The following DPP6 variants were observed in gnomAD, a reference collection of about 807,000 sequenced individuals.
The protein encoded by DPP6 is A-type potassium channel modulatory protein DPP6.
DPP6 carries 69 observed loss-of-function variants against 122.6 expected under a neutral mutation model. The observed-to-expected ratio is 0.56, with a 90% CI of 0.46 to 0.69. The LOEUF is 0.69. DPP6 is among the 30% of genes least tolerant of loss of function. DPP6 has a pLI of 0.00. For missense variants in DPP6, 928 were observed against 1,116.9 expected, an observed-to-expected ratio of 0.83 and a Z score of 2.41; for synonymous variants, 418 against 433.1, an observed-to-expected ratio of 0.97 and a Z score of 0.43.
chr7:153,846,205 G>A, the DPP6 span, among the ~76,000 whole-genome samples: 1 of 152,108 alleles, frequency 6.6e-6, no homozygotes, highest in African/African-American at 2.4e-5. Flanking sequence ...TATTTTCTCT[G>A]ATAACTTATA....
chr7:154,104,446 A>T (rs576325059), intron 1 of DPP6, among the ~76,000 whole-genome samples: 7 of 152,372 alleles, frequency 4.6e-5, no homozygotes, highest in African/African-American at 1.7e-4. Flanking sequence ...GCCAGTGCCC[A>T]TGGTGGAACG....
intron 1 of DPP6, among the ~76,000 whole-genome samples, chr7:154,123,591 C>T (rs1055046712): frequency 6.6e-6 from 1 of 152,152 alleles, no homozygotes; most frequent in Admixed American, 6.5e-5. Flanking sequence ...GAGAGTGACC[C>T]GTGTGCTCCT....
intron 1 of DPP6, among the ~76,000 whole-genome samples, chr7:154,388,605 G>A (rs74615285): frequency 6.6e-6 from 1 of 152,218 alleles, no homozygotes; most frequent in East Asian, 1.9e-4. Context: ...GCCAGGGTCT[G>A]CTGGGGAGAA....
intron 10 of DPP6, among the ~76,000 whole-genome samples, chr7:154,779,157 T>C (rs977609536): frequency 0.019 from 25 of 1,336 alleles, no homozygotes; most frequent in African/African-American, 0.032. Flanking sequence ...CCCACCATCA[T>C]CTCCACTACC....
chr7:154,238,566 G>A (rs1447262417), intron 1 of DPP6, among the ~76,000 whole-genome samples: 1 of 152,138 alleles, frequency 6.6e-6, no homozygotes, highest in Admixed American at 6.6e-5. Flanking sequence ...ATTCAGACCA[G>A]CAAACCAAGA....
At chr7:154,212,331 C>T (rs1463590784) in intron 1 of DPP6, among the ~76,000 whole-genome samples, 4 of 152,128 alleles carry the variant, frequency 2.6e-5, no homozygotes, top group African/African-American at 7.2e-5. Context: ...GCAGTATTCC[C>T]TAAGAAAATA....
chr7:154,830,473 C>T (rs1800546646), intron 16 of DPP6, among the ~76,000 whole-genome samples: 4 of 152,222 alleles, frequency 2.6e-5, no homozygotes, highest in South Asian at 2.1e-4. Flanking sequence ...GCTGTATAAA[C>T]GTTGTGACAT....
chr7:154,399,786 T>G (rs1815411187), intron 1 of DPP6, among the ~76,000 whole-genome samples: 1 of 152,164 alleles, frequency 6.6e-6, no homozygotes, highest in African/African-American at 2.4e-5. Context: ...CTGCCCCATT[T>G]GGGGTGTGCA....
chr7:154,581,366 C>T (rs1832056801), intron 5 of DPP6, among the ~76,000 whole-genome samples: 1 of 152,074 alleles, frequency 6.6e-6, no homozygotes, highest in Non-Finnish European at 1.5e-5. Context: ...AAGAAGGGGA[C>T]AGAAGAGTAA....
rs77699124 is a variant in DPP6, at chr7:154,772,622, C to T, written c.1039-223C>T. Reference sequence around the variant, plus strand: ...CCGGGGAGTTGGGTGGAATGGGAAGCGGATGGGATTCTAGAAAAGCAAGAA... The same window carrying T: ...CCGGGGAGTTGGGTGGAATGGGAAGTGGATGGGATTCTAGAAAAGCAAGAA... On this transcript the variant is annotated intron_variant, in intron 9 of 25. Coordinates refer to ENST00000377770, the MANE Select transcript of DPP6 (RefSeq NM_130797.4). Among the ~76,000 whole-genome samples the T allele has an allele frequency of 0.15, 22,151 of 152,084 alleles. 1,782 individuals carry two copies. Among genetic ancestry groups the T allele is most frequent in the East Asian group, 0.21 (1,076 of 5,164 alleles).
intron 6 of DPP6, among the ~76,000 whole-genome samples, chr7:154,661,022 G>T (rs1837634725): frequency 1.2e-5 from 1 of 83,130 alleles, no homozygotes; most frequent in African/African-American, 6.1e-5. Flanking sequence ...ATTGGCGCTA[G>T]TATTCATATA....
chr7:153,809,962 A>T, the DPP6 span, among the ~76,000 whole-genome samples: 2 of 152,124 alleles, frequency 1.3e-5, no homozygotes, highest in East Asian at 3.9e-4. Context: ...TTTGTATCTT[A>T]GCAGAAGTCT....
intron 4 of DPP6, among the ~76,000 whole-genome samples, chr7:154,541,716 A>AT (rs1828745045): frequency 6.6e-6 from 1 of 152,254 alleles, no homozygotes; most frequent in Non-Finnish European, 1.5e-5. Flanking sequence ...TAAAGCGATC[A>AT]TAACAGGGCT....
intron 1 of DPP6, among the ~76,000 whole-genome samples, chr7:154,362,928 T>C (rs936169559): frequency 2.0e-5 from 3 of 152,172 alleles, no homozygotes; most frequent in African/African-American, 7.2e-5. Flanking sequence ...GCACCAACCA[T>C]CACTGCAGTT....
rs557201387 is a variant in DPP6, at chr7:154,458,693, T to C, written c.358+12365T>C. ...ATAAATGGCATTGCCACTTTTACGG[T>C]GGCCATGTCTTACAGGCAGGCAAAA... is the stretch of plus-strand genomic sequence containing the variant. On this transcript the variant is annotated intron_variant, in intron 2 of 25. Transcript: ENST00000377770. 7.2e-5 allele frequency among the ~76,000 whole-genome samples: 11 copies of C among 152,332 alleles called. No individual in the cohort carries two copies. In the East Asian group the frequency reaches 1.7e-3, roughly 24 times the overall value.
Position 154,853,802 on chromosome 7 carries a change from G to A in DPP6, c.1689G>A (p.Thr563=), listed in dbSNP as rs772245126. 6.8e-6 allele frequency: 11 copies of A among 1,613,594 alleles called. No homozygotes were observed. The highest frequency in any genetic ancestry group is 2.7e-5 in the African/African-American group (2 of 74,874). ...CAGGTCCTGGTGTTCCTATGGTGAC[G>A]GTGCACAACACAACAGATAAGAAAA... ...KCEGPGVPMV[T]VHNTTDKKKM... The change falls in exon 17 of 26, where the codon ACG becomes ACA. Residue 563 remains threonine, a synonymous_variant. Transcript: ENST00000377770.
chr7:154,233,727 C>A (rs1801040737), intron 1 of DPP6, among the ~76,000 whole-genome samples: 1 of 152,204 alleles, frequency 6.6e-6, no homozygotes, highest in South Asian at 2.1e-4. Context: ...ACCCTGATGA[C>A]ACCTTGATCT....
At chr7:154,210,903 A>G (rs1799706472) in intron 1 of DPP6, among the ~76,000 whole-genome samples, 1 of 152,152 alleles carries the variant, frequency 6.6e-6, no homozygotes, top group Non-Finnish European at 1.5e-5. Context: ...TAACCACTTT[A>G]TTTATATCAT....
chr7:153,807,139 G>A, the DPP6 span, among the ~76,000 whole-genome samples: 2 of 152,014 alleles, frequency 1.3e-5, no homozygotes, highest in African/African-American at 4.8e-5. Context: ...TAGGCTGGGT[G>A]CAGTGGCTCA....
Sources: allele counts gnomAD v4.1 joint callset (sites outside exome capture counted in the v4.1 genomes callset), GRCh38; gene constraint gnomAD v4.1.1; transcripts MANE v1.5; gene names NCBI Gene and HGNC (gene_info 2026-07-23, HGNC 2026-07-21).